LRRK1: variants seen among roughly 807,000 people sequenced by gnomAD.
LRRK1 encodes leucine-rich repeat serine/threonine-protein kinase 1.
In LRRK1, 113 loss-of-function variants were observed where a neutral mutation model predicts 209.1. The observed-to-expected ratio is 0.54, with a 90% CI of 0.46 to 0.63. The LOEUF is 0.63. LRRK1 is among the 30% of genes least tolerant of loss of function. LRRK1 has a pLI of 0.00. For synonymous variants in LRRK1, 1,144 were observed against 1,099.7 expected (o/e 1.04, Z -0.80); for missense variants, 2,284 against 2,632.2 (o/e 0.87, Z 2.89).
intron 6 of LRRK1, 134 bp from the exon 7 acceptor site, chr15:101,008,703 T>C (rs2033095609): frequency 2.9e-6 from 2 of 682,858 alleles, no homozygotes; most frequent in East Asian, 2.7e-5. Context: ...GAGAAGGACA[T>C]GTGCAGGCCT....
chr15:101,064,752 A>T (rs2036425660), intron 31 of LRRK1: 1 of 153,350 alleles, frequency 6.5e-6, no homozygotes, highest in Non-Finnish European at 1.4e-5. Flanking sequence ...ATCCACTTGG[A>T]GCAGGAGCCA....
Position 101,027,276 on chromosome 15 carries a change from G to A in LRRK1, c.2421G>A (p.Lys807=), listed in dbSNP as rs554408733. 8.1e-6 allele frequency: 13 copies of A among 1,614,118 alleles called. No individual in the cohort carries two copies. The South Asian group carries it at 1.2e-4, about 15-fold the overall frequency. Residue 807 remains lysine, a synonymous_variant, in exon 18 of 34, where the codon AAG becomes AAA. Transcript: ENST00000388948. The surrounding 1 kb of genome is among the most constrained non-coding windows in gnomAD (Gnocchi z 5.1). ...TFKHLHEISC[K]SLEGQEGLRQ... ...TTGCTCACAGTGAGATTTCCTGCAAGAGCCTGGAAGGTCAGGAAGGGCTGC... is the reference window on the plus strand; with the variant it reads ...TTGCTCACAGTGAGATTTCCTGCAAAAGCCTGGAAGGTCAGGAAGGGCTGC...
chr15:101,037,493 T>C (rs895533308), intron 20 of LRRK1, among the ~76,000 whole-genome samples: 1 of 152,110 alleles, frequency 6.6e-6, no homozygotes, highest in Non-Finnish European at 1.5e-5. Context: ...CAATGGTGTG[T>C]ACAGGTACCA....
At chr15:100,939,640 TATTTA>T (rs1258344117) in intron 2 of LRRK1, among the ~76,000 whole-genome samples, 1 of 152,220 alleles carries the variant, frequency 6.6e-6, no homozygotes, top group African/African-American at 2.4e-5. Flanking sequence ...TTAGATCAAT[TATTTA>T]ATTTGAGGTT....
chr15:101,022,504 A>G lies in LRRK1; in HGVS notation c.1974A>G (p.Leu658=). ...RQGKSTLLEI[L]QTGRAPQVVH... ...GCAAGTCCACCCTCCTGGAGATCTT[A>G]CAGACGGGGAGGGCCCCCCAGGTGG... Residue 658 remains leucine (L), a synonymous_variant, in exon 15 of 34, where the codon TTA becomes TTG. Transcript: ENST00000388948. The surrounding 1 kb of genome is among the most constrained non-coding windows in gnomAD (Gnocchi z 4.0). The G allele has an allele frequency of 3.1e-6, 5 of 1,614,214 alleles. No individual in the cohort carries two copies. The highest frequency in any genetic ancestry group is 4.2e-6 in the Non-Finnish European group (5 of 1,180,038).
chr15:101,045,134 C>T (rs1055017862), intron 20 of LRRK1, among the ~76,000 whole-genome samples: 3 of 152,210 alleles, frequency 2.0e-5, no homozygotes, highest in African/African-American at 7.2e-5. Context: ...TATGCTCGGG[C>T]CATGGGCTGT....
At position 101,078,011 on chromosome 15, in the gene LRRK1, T is replaced by A; in HGVS notation, c.*9163T>A. 1 of 155,626 alleles carries A rather than the reference T, an allele frequency of 6.4e-6. No individual in the cohort carries two copies. Among genetic ancestry groups the A allele is most frequent in the East Asian group, 1.9e-4 (1 of 5,344 alleles). 9.6% of individuals were successfully genotyped at this position (155,626 alleles called of 1,614,324 possible). A position where few individuals can be genotyped will look rare whatever the true frequency, so the allele number is the denominator to read the frequency against. On this transcript the variant is annotated 3_prime_UTR_variant, in exon 34 of 34. Coordinates refer to ENST00000388948, the MANE Select transcript of LRRK1 (RefSeq NM_024652.6). ...GAAGTGTAAATGGCTGGTTCTTGCC[T>A]TAAGTGATGACATTACCTTGTGAAA...
intron 6 of LRRK1, among the ~76,000 whole-genome samples, chr15:100,997,655 G>A (rs940437960): frequency 6.6e-6 from 1 of 152,184 alleles, no homozygotes; most frequent in African/African-American, 2.4e-5. Context: ...CAGAGCAACG[G>A]ACACACCAGG....
intron 4 of LRRK1, 81 bp downstream of exon 4, chr15:100,983,780 A>G (rs1429320181): frequency 3.0e-6 from 4 of 1,333,048 alleles, no homozygotes; most frequent in Non-Finnish European, 4.3e-6. Flanking sequence ...TTACTTCTTC[A>G]TGCTTTCACC....
rs758567477 is a variant in LRRK1, at chr15:100,988,752, T to C, written c.552T>C (p.Ala184=). Residue 184 remains alanine (A), a synonymous_variant, in exon 5 of 34, where the codon GCT becomes GCC. Coordinates refer to ENST00000388948, the MANE Select transcript of LRRK1 (RefSeq NM_024652.6). ...ACGGGGCTGACCCGGAGAGCTACGCTGTCAGGAAGAATGAGTTCCCTGTCA... is the reference window on the plus strand; with the variant it reads ...ACGGGGCTGACCCGGAGAGCTACGCCGTCAGGAAGAATGAGTTCCCTGTCA... The part of the protein sequence containing the change: ...LTHGADPESY[A]VRKNEFPVIV... 1.2e-6 allele frequency: 2 copies of C among 1,613,706 alleles called. No homozygotes were observed. The highest frequency in any genetic ancestry group is 1.7e-6 in the Non-Finnish European group (2 of 1,179,608).
At chr15:101,066,407 C>T (rs532738509) in intron 32 of LRRK1, among the ~76,000 whole-genome samples, 2 of 152,362 alleles carry the variant, frequency 1.3e-5, no homozygotes, top group Admixed American at 1.3e-4. Context: ...AAGCTTATTG[C>T]CTGCCAGAGA....
At chr15:101,028,195 T>C (rs2034130082) in intron 19 of LRRK1, among the ~76,000 whole-genome samples, 2 of 152,230 alleles carry the variant, frequency 1.3e-5, no homozygotes, top group African/African-American at 4.8e-5. Context: ...AGACGCAGCG[T>C]TGGGCTCCTG....
At chr15:101,008,511 C>A (rs2033081285) in intron 6 of LRRK1, among the ~76,000 whole-genome samples, 1 of 152,152 alleles carries the variant, frequency 6.6e-6, no homozygotes, top group African/African-American at 2.4e-5. Context: ...CGTGGACAAT[C>A]CCGCCGCGCT....
At chr15:100,958,446 C>T (rs551719796) in intron 2 of LRRK1, among the ~76,000 whole-genome samples, 10 of 152,270 alleles carry the variant, frequency 6.6e-5, no homozygotes, top group Middle Eastern at 6.8e-3. Context: ...GCAAGCCCAG[C>T]AAGGGTGCTA....
At chr15:100,979,990 A>G (rs1017688779) in intron 3 of LRRK1, among the ~76,000 whole-genome samples, 3 of 152,220 alleles carry the variant, frequency 2.0e-5, no homozygotes, top group African/African-American at 7.2e-5. Context: ...AGAATGTAAC[A>G]TGGTACAATC....
chr15:101,013,630 TAAAAAGAATAACAA>T (rs2033388644), intron 10 of LRRK1, among the ~76,000 whole-genome samples: 3 of 151,982 alleles, frequency 2.0e-5, no homozygotes, highest in Non-Finnish European at 4.4e-5. Flanking sequence ...AGTAAATAAA[TAAAAAGAATAACAA>T]AAAAAGAATA....
chr15:100,962,403 A>G lies in LRRK1; in HGVS notation c.98-11401A>G, dbSNP rs372131616. ...AAATCGGCTGGGCGTGGTGGCAAACACCTGTAATCCCAGTTACTCGGGAGA... is the reference window on the plus strand; with the variant it reads ...AAATCGGCTGGGCGTGGTGGCAAACGCCTGTAATCCCAGTTACTCGGGAGA... On this transcript the variant is annotated intron_variant, in intron 2 of 33. Transcript: ENST00000388948. Among the ~76,000 whole-genome samples, 25 of 151,980 alleles carry G rather than the reference A, an allele frequency of 1.6e-4. 2 individuals carry two copies. The highest frequency in any genetic ancestry group is 7.9e-4 in the Admixed American group (12 of 15,260).
chr15:100,992,212 T>G (rs950754523), intron 6 of LRRK1, among the ~76,000 whole-genome samples: 3 of 152,224 alleles, frequency 2.0e-5, no homozygotes, highest in African/African-American at 7.2e-5. Context: ...CATCTTATTA[T>G]TATCTGGAGA....
At chr15:101,032,430 T>G (rs1451325552) in intron 20 of LRRK1, among the ~76,000 whole-genome samples, 1 of 101,978 alleles carries the variant, frequency 9.8e-6, no homozygotes, top group African/African-American at 3.7e-5. Context: ...CCCTCCCCCC[T>G]CCCCCTACCC....
Sources: gnomAD v4.1 joint callset for allele counts (sites outside exome capture counted in the v4.1 genomes callset) on GRCh38, gnomAD v4.1.1 for gene constraint, Gnocchi (gnomAD v3.1) non-coding constraint, MANE v1.5 for transcripts, NCBI Gene and HGNC (gene_info 2026-07-23, HGNC 2026-07-21) for gene names.